OSBPL1A: variants seen among roughly 807,000 people sequenced by gnomAD.
The protein encoded by OSBPL1A is oxysterol-binding protein-related protein 1.
OSBPL1A carries 80 observed loss-of-function variants against 137.1 expected under a neutral mutation model. The ratio of observed to expected loss-of-function variants is 0.58; its 90% CI spans 0.49 to 0.70. OSBPL1A has a LOEUF of 0.70. OSBPL1A is among the 30% of genes least tolerant of loss of function. OSBPL1A has a pLI of 0.00. For synonymous variants in OSBPL1A, 365 were observed against 389.7 expected (o/e 0.94, Z 0.75); for missense variants, 970 against 1,129.4 (o/e 0.86, Z 2.02).
chr18:24,272,914 T>A (rs574557266), intron 15 of OSBPL1A, among the ~76,000 whole-genome samples: 55 of 152,180 alleles, frequency 3.6e-4, no homozygotes, highest in South Asian at 1.9e-3. Context: ...TTAATTAATT[T>A]ATTTATTTGG....
chr18:24,199,851 C>T (rs1390539957), intron 17 of OSBPL1A, among the ~76,000 whole-genome samples: 1 of 152,144 alleles, frequency 6.6e-6, no homozygotes, highest in Non-Finnish European at 1.5e-5. Flanking sequence ...CCCAGCTCGA[C>T]CAAGGATGCT....
rs569419872 is a variant in OSBPL1A, at chr18:24,332,586, A to G, written c.625+356T>C. 6.3e-3 allele frequency among the ~76,000 whole-genome samples: 959 copies of G among 151,850 alleles called. 10 individuals are homozygous for G. The highest frequency in any genetic ancestry group is 0.022 in the African/African-American group (911 of 41,368). On this transcript the variant is annotated intron_variant, in intron 7 of 27. Transcript: ENST00000319481. ...AATAGAAACAGCAAAAAAAAAAAAA[A>G]AAGGTTTCATAATGATCAATTCATG...
At chr18:24,272,617 G>A (rs1281393903) in intron 15 of OSBPL1A, among the ~76,000 whole-genome samples, 1 of 152,082 alleles carries the variant, frequency 6.6e-6, no homozygotes, top group Non-Finnish European at 1.5e-5. Context: ...CTCTGATGGA[G>A]GGAAAGAAAT....
intron 17 of OSBPL1A, among the ~76,000 whole-genome samples, chr18:24,213,372 A>G (rs1484702393): frequency 6.6e-6 from 1 of 152,200 alleles, no homozygotes; most frequent in Admixed American, 6.5e-5. Context: ...GTTCGAGACC[A>G]GCCTGGGCAA....
chr18:24,320,179 T>G (rs2090821582), intron 7 of OSBPL1A, among the ~76,000 whole-genome samples: 1 of 152,046 alleles, frequency 6.6e-6, no homozygotes, highest in African/African-American at 2.4e-5. Flanking sequence ...TTTTGTATGA[T>G]ATCCCCTAAT....
At chr18:24,372,987 C>T (rs574662896) in intron 2 of OSBPL1A, among the ~76,000 whole-genome samples, 1 of 152,150 alleles carries the variant, frequency 6.6e-6, no homozygotes, top group Admixed American at 6.6e-5. Flanking sequence ...TCGCTTGAAC[C>T]CAAGAGGAGG....
intron 7 of OSBPL1A, among the ~76,000 whole-genome samples, chr18:24,329,744 T>C (rs1011579965): frequency 2.0e-5 from 3 of 152,116 alleles, no homozygotes; most frequent in Non-Finnish European, 4.4e-5. Context: ...CTGTAGCATA[T>C]AGTTAATATT....
intron 23 of OSBPL1A, 91 bp from the exon 24 acceptor site, chr18:24,170,544 G>A (rs1400410521): frequency 1.4e-5 from 21 of 1,471,122 alleles, no homozygotes; most frequent in South Asian, 4.6e-5. Flanking sequence ...TCTCCCATCC[G>A]AGTACTAACC....
chr18:24,330,049 C>A (rs1180397391), intron 7 of OSBPL1A, among the ~76,000 whole-genome samples: 1 of 152,104 alleles, frequency 6.6e-6, no homozygotes, highest in Admixed American at 6.6e-5. Context: ...CTTAAGGCAC[C>A]TTTTTATCCT....
intron 15 of OSBPL1A, among the ~76,000 whole-genome samples, chr18:24,267,905 C>A (rs113051624): frequency 1.4e-3 from 203 of 149,618 alleles, no homozygotes; most frequent in African/African-American, 4.9e-3. Context: ...TTCTATGCAA[C>A]ATTGTCCTGA....
intron 4 of OSBPL1A, among the ~76,000 whole-genome samples, chr18:24,361,400 G>A (rs913974958): frequency 1.3e-5 from 2 of 152,190 alleles, no homozygotes; most frequent in African/African-American, 2.4e-5. Context: ...CTATGGTGAA[G>A]TTGGTTTCCT....
At chr18:24,227,503 T>C (rs2088122463) in intron 16 of OSBPL1A, among the ~76,000 whole-genome samples, 1 of 152,162 alleles carries the variant, frequency 6.6e-6, no homozygotes, top group African/African-American at 2.4e-5. Context: ...CTGGTTCAGG[T>C]AAACAGATGT....
intron 15 of OSBPL1A, among the ~76,000 whole-genome samples, chr18:24,259,968 GT>G (rs1379254414): frequency 1.3e-5 from 2 of 152,008 alleles, no homozygotes; most frequent in African/African-American, 4.8e-5. Flanking sequence ...ACACAATCAT[GT>G]ACAGAACTCT....
At chr18:24,303,578 C>T (rs552940408) in intron 14 of OSBPL1A, 59 bp downstream of exon 14, 2 of 1,357,896 alleles carry the variant, frequency 1.5e-6, no homozygotes, top group Non-Finnish European at 2.1e-6. Flanking sequence ...AACAAAACTA[C>T]AACAGGTCAG....
intron 18 of OSBPL1A, among the ~76,000 whole-genome samples, chr18:24,194,004 G>A (rs1301369165): frequency 6.6e-6 from 1 of 152,164 alleles, no homozygotes; most frequent in African/African-American, 2.4e-5. Flanking sequence ...TTAAAAGAAT[G>A]GTTAGTCTCG....
intron 17 of OSBPL1A, among the ~76,000 whole-genome samples, chr18:24,199,318 G>C (rs760533766): frequency 6.6e-6 from 1 of 152,130 alleles, no homozygotes; most frequent in African/African-American, 2.4e-5. Context: ...GGGCACAAGG[G>C]GGGTCTTGGA....
At chr18:24,184,560 A>G (rs1226821829) in intron 18 of OSBPL1A, among the ~76,000 whole-genome samples, 1 of 152,216 alleles carries the variant, frequency 6.6e-6, no homozygotes, top group Non-Finnish European at 1.5e-5. Flanking sequence ...TCCAACTGCT[A>G]GAGTACCAAA....
chr18:24,270,429 G>A (rs1266390901), intron 15 of OSBPL1A, among the ~76,000 whole-genome samples: 2 of 152,042 alleles, frequency 1.3e-5, no homozygotes, highest in South Asian at 2.1e-4. Context: ...GAAATTATAC[G>A]GGTCACTTTC....
chr18:24,362,344 C>T (rs909442027), intron 4 of OSBPL1A, among the ~76,000 whole-genome samples: 1 of 152,124 alleles, frequency 6.6e-6, no homozygotes, highest in Non-Finnish European at 1.5e-5. Flanking sequence ...TAACCACAAC[C>T]TTTATTGTTT....
Sources: allele counts gnomAD v4.1 joint callset (sites outside exome capture counted in the v4.1 genomes callset), GRCh38; gene constraint gnomAD v4.1.1; transcripts MANE v1.5; gene names NCBI Gene and HGNC (gene_info 2026-07-23, HGNC 2026-07-21).